IMMP2L: variants seen among roughly 807,000 people sequenced by gnomAD.
The protein encoded by IMMP2L is mitochondrial inner membrane protease subunit 2.
Under a neutral mutation model 19.3 loss-of-function variants are expected in IMMP2L, and 18 were observed. The ratio of observed to expected loss-of-function variants is 0.93; its 90% CI spans 0.64 to 1.38. IMMP2L has a LOEUF of 1.38. Ranked by LOEUF, IMMP2L falls within the 40% of genes most tolerant of loss-of-function variation. The probability of loss-of-function intolerance (pLI) is 0.00; values close to 1 mark genes in which losing one functional copy is unlikely to be tolerated. For missense variants in IMMP2L, 233 were observed against 218.2 expected (o/e 1.07, Z -0.43); for synonymous variants, 76 against 73.0 (o/e 1.04, Z -0.21).
chr7:110,705,095 T>G (rs1794558067), intron 5 of IMMP2L, among the ~76,000 whole-genome samples: 1 of 117,864 alleles, frequency 8.5e-6, no homozygotes, highest in African/African-American at 3.1e-5. Context: ...AACTGGAAGC[T>G]TACTATCAAT....
intron 5 of IMMP2L, among the ~76,000 whole-genome samples, chr7:110,826,228 C>T (rs1389501932): frequency 6.6e-6 from 1 of 152,180 alleles, no homozygotes; most frequent in Non-Finnish European, 1.5e-5. Flanking sequence ...AACACTTTTA[C>T]ACTGTTGGTG....
intron 4 of IMMP2L, among the ~76,000 whole-genome samples, chr7:110,942,600 C>A (rs1219125002): frequency 6.6e-6 from 1 of 151,286 alleles, no homozygotes; most frequent in Non-Finnish European, 1.5e-5. Context: ...AATAATCTTC[C>A]AACAGACAAA....
chr7:110,959,373 C>A (rs1451007479), intron 4 of IMMP2L, among the ~76,000 whole-genome samples: 3 of 151,782 alleles, frequency 2.0e-5, no homozygotes, highest in African/African-American at 7.3e-5. Context: ...TAGTTGACAG[C>A]ATATTTTTAT....
At chr7:111,487,704 T>A (rs1451618692) in intron 2 of IMMP2L, among the ~76,000 whole-genome samples, 1 of 152,098 alleles carries the variant, frequency 6.6e-6, no homozygotes, top group Non-Finnish European at 1.5e-5. Context: ...AATTCCACAG[T>A]AGTACACATC....
chr7:110,940,335 TTAAAA>T (rs1005677770), intron 4 of IMMP2L, among the ~76,000 whole-genome samples: 4 of 146,066 alleles, frequency 2.7e-5, no homozygotes, highest in African/African-American at 1.0e-4. Context: ...AAAAAAAAAG[TTAAAA>T]TAAACATTTA....
chr7:111,403,465 A>ATATATT (rs1563150076), intron 3 of IMMP2L, among the ~76,000 whole-genome samples: 1 of 151,532 alleles, frequency 6.6e-6, no homozygotes, highest in African/African-American at 2.4e-5. Context: ...ATATATATAT[A>ATATATT]TTTTTAAACA....
intron 3 of IMMP2L, among the ~76,000 whole-genome samples, chr7:111,291,468 G>A (rs936673370): frequency 6.6e-6 from 1 of 152,136 alleles, no homozygotes; most frequent in African/African-American, 2.4e-5. Context: ...ACAGAGCTTA[G>A]AGTGAAAGCA....
chr7:111,176,949 T>G (rs1450936875), intron 3 of IMMP2L, among the ~76,000 whole-genome samples: 1 of 152,046 alleles, frequency 6.6e-6, no homozygotes, highest in Non-Finnish European at 1.5e-5. Context: ...CCTTAATACC[T>G]TTCTTTCTGC....
intron 3 of IMMP2L, chr7:111,411,615 T>A (rs916250478): frequency 3.5e-6 from 1 of 285,800 alleles, no homozygotes; most frequent in Non-Finnish European, 7.0e-6. Context: ...GATCGGGAAG[T>A]GCACAAAATC....
At chr7:110,911,260 A>G (rs1435919127) in intron 4 of IMMP2L, among the ~76,000 whole-genome samples, 2 of 152,150 alleles carry the variant, frequency 1.3e-5, no homozygotes, top group Admixed American at 1.3e-4. Flanking sequence ...TTTACATCTG[A>G]AAGACAAAAG....
At chr7:110,689,834 G>A (rs758342169) in intron 5 of IMMP2L, among the ~76,000 whole-genome samples, 1 of 152,082 alleles carries the variant, frequency 6.6e-6, no homozygotes, top group Non-Finnish European at 1.5e-5. Context: ...TAGCAGATTT[G>A]TACTTATTTT....
intron 5 of IMMP2L, among the ~76,000 whole-genome samples, chr7:110,730,958 G>C (rs1796237382): frequency 6.6e-6 from 1 of 152,134 alleles, no homozygotes; most frequent in Non-Finnish European, 1.5e-5. Flanking sequence ...TCCCTCCAGA[G>C]AACCCTGACT....
intron 3 of IMMP2L, among the ~76,000 whole-genome samples, chr7:111,132,759 T>G (rs1361807416): frequency 1.3e-5 from 2 of 151,980 alleles, no homozygotes; most frequent in Non-Finnish European, 2.9e-5. Flanking sequence ...CTGGACACCA[T>G]CAAACTTATC....
At chr7:110,747,700 C>A (rs551315007) in intron 5 of IMMP2L, among the ~76,000 whole-genome samples, 1 of 152,082 alleles carries the variant, frequency 6.6e-6, no homozygotes. Context: ...ATTCAACAGC[C>A]CTTCATGCTA....
intron 3 of IMMP2L, among the ~76,000 whole-genome samples, chr7:111,374,370 T>C (rs888087536): frequency 6.6e-6 from 1 of 151,994 alleles, no homozygotes; most frequent in African/African-American, 2.4e-5. Flanking sequence ...ATGGAAAGAC[T>C]GGCATCCTAG....
intron 3 of IMMP2L, among the ~76,000 whole-genome samples, chr7:111,142,624 C>G (rs1446074253): frequency 6.6e-6 from 1 of 152,068 alleles, no homozygotes; most frequent in Non-Finnish European, 1.5e-5. Flanking sequence ...TCATGTTAAA[C>G]AGAGGTTCCA....
chr7:110,893,718 C>T (rs1035475837), intron 4 of IMMP2L, among the ~76,000 whole-genome samples: 5 of 152,124 alleles, frequency 3.3e-5, no homozygotes, highest in South Asian at 2.1e-4. Flanking sequence ...AATATGAACA[C>T]TAAAGCAGCT....
chr7:110,744,646 C>T (rs1295281163), intron 5 of IMMP2L, among the ~76,000 whole-genome samples: 1 of 152,190 alleles, frequency 6.6e-6, no homozygotes, highest in Non-Finnish European at 1.5e-5. Flanking sequence ...AGCAGACCTG[C>T]AGCAGAGAGG....
chr7:110,798,091 T>C (rs780753133), intron 5 of IMMP2L, among the ~76,000 whole-genome samples: 4 of 152,004 alleles, frequency 2.6e-5, no homozygotes, highest in African/African-American at 4.8e-5. Context: ...AGCGGTCATA[T>C]AGTTTATATA....
Sources: gnomAD v4.1 joint callset for allele counts (sites outside exome capture counted in the v4.1 genomes callset) on GRCh38, gnomAD v4.1.1 for gene constraint, MANE v1.5 for transcripts, NCBI Gene and HGNC (gene_info 2026-07-23, HGNC 2026-07-21) for gene names.